SPARCL1: variants seen among roughly 807,000 people sequenced by gnomAD.
The protein encoded by SPARCL1 is SPARC like 1.
A neutral mutation model predicts 67.1 loss-of-function variants in SPARCL1; 52 were observed. That is an observed-to-expected ratio of 0.78 (90% CI 0.62 to 0.98). The LOEUF is 0.98. Among genes scored for constraint, SPARCL1 ranks in the 50% least tolerant of loss-of-function variants. The probability of loss-of-function intolerance (pLI) is 0.00; values close to 1 mark genes in which losing one functional copy is unlikely to be tolerated. For synonymous variants in SPARCL1, 226 were observed against 267.8 expected (o/e 0.84, Z 1.52); for missense variants, 717 against 782.4 (o/e 0.92, Z 1.00).
intron 10 of SPARCL1, among the ~76,000 whole-genome samples, chr4:87,475,394 G>C (rs1723545399): frequency 6.6e-6 from 1 of 152,082 alleles, no homozygotes; most frequent in Non-Finnish European, 1.5e-5. Flanking sequence ...TTCATTTCAG[G>C]AGAAACTTCA....
chr4:87,475,650 A>G (rs1424098082), intron 10 of SPARCL1, among the ~76,000 whole-genome samples: 1 of 152,170 alleles, frequency 6.6e-6, no homozygotes, highest in Non-Finnish European at 1.5e-5. Context: ...CACGTTACTA[A>G]TCATCAGGAA....
chr4:87,481,464 T>C (rs1234491319), intron 8 of SPARCL1, among the ~76,000 whole-genome samples: 1 of 152,214 alleles, frequency 6.6e-6, no homozygotes, highest in African/African-American at 2.4e-5. Context: ...CTATACTTGC[T>C]GCATCCATTC....
In SPARCL1 at chr4:87,494,436, T is replaced by C. The variant is rs774368744; in HGVS notation, c.364A>G (p.Ile122Val). The C allele has an allele frequency of 2.5e-6, 4 of 1,614,076 alleles. No individual in the cohort carries two copies. The highest frequency in any genetic ancestry group is 1.3e-5 in the African/African-American group (1 of 74,930). Reference protein sequence around the residue: ...EYAPTEGTLDIKEDMSEPQEK... With the variant: ...EYAPTEGTLDVKEDMSEPQEK... ...TGAGGCTCACTCATATCTTCTTTTA[T>C]GTCCAATGTACCTTCAGTTGGTGCA... The change falls in exon 4 of 11, where the codon ATA becomes GTA. Residue 122 changes from isoleucine (I) to valine (V), a missense_variant. Coordinates refer to ENST00000282470, the MANE Select transcript of SPARCL1 (RefSeq NM_004684.6).
At chr4:87,503,265 C>G (rs1724921858) in intron 1 of SPARCL1, among the ~76,000 whole-genome samples, 1 of 152,198 alleles carries the variant, frequency 6.6e-6, no homozygotes, top group South Asian at 2.1e-4. Context: ...TTCCAAATCA[C>G]CTGGTGCCTC....
At chr4:87,524,415 G>A (rs4693170) in intron 1 of SPARCL1, among the ~76,000 whole-genome samples, 59,402 of 152,032 alleles carry the variant, frequency 0.39, 13,341 homozygotes, top group East Asian at 0.6. Context: ...AAACATAGAA[G>A]TTGACCCTCC....
chr4:87,476,358 A>G (rs1013909510), intron 10 of SPARCL1, among the ~76,000 whole-genome samples: 5 of 152,128 alleles, frequency 3.3e-5, no homozygotes, highest in Non-Finnish European at 7.4e-5. Context: ...GAATATGTTT[A>G]CTTCTCTCTT....
chr4:87,513,581 C>G (rs1725463056), intron 1 of SPARCL1, among the ~76,000 whole-genome samples: 1 of 152,060 alleles, frequency 6.6e-6, no homozygotes, highest in African/African-American at 2.4e-5. Flanking sequence ...CTCTGAAGTA[C>G]CTTACACATG....
In SPARCL1 at chr4:87,486,888, C is replaced by CTTTTTTTTTTTTTTTTTTTT. The variant is rs57597004; in HGVS notation, c.1531+3365_1531+3384dup. Among the ~76,000 whole-genome samples, 9 of 28,000 alleles carry CTTTTTTTTTTTTTTTTTTTT rather than the reference C, an allele frequency of 3.2e-4. 4 individuals carry two copies. The highest frequency in any genetic ancestry group is 2.9e-3 in the South Asian group (2 of 692). The allele number at this position is 28,000 out of a possible 152,430, so 18.4% of individuals were successfully genotyped here. A position where few individuals can be genotyped will look rare whatever the true frequency, so the allele number is the denominator to read the frequency against. ...TCTGAGGCTAGTATTGCAATTCCTGCTTTTTTTTTTTTTTTTTTTTTTTTT... is the reference window on the plus strand; with the variant it reads ...TCTGAGGCTAGTATTGCAATTCCTGCTTTTTTTTTTTTTTTTTTTTTTTTTTTTTTTTTTTTTTTTTTTTT... On this transcript the variant is annotated intron_variant, in intron 7 of 10. Transcript: ENST00000282470.
At chr4:87,496,187 AT>A (rs1324406824) in intron 2 of SPARCL1, among the ~76,000 whole-genome samples, 2 of 152,190 alleles carry the variant, frequency 1.3e-5, no homozygotes, top group East Asian at 1.9e-4. Context: ...GGTCGTTAAT[AT>A]TTTTTATTAA....
At chr4:87,501,075 A>T (rs1339144555) in intron 1 of SPARCL1, among the ~76,000 whole-genome samples, 1 of 152,218 alleles carries the variant, frequency 6.6e-6, no homozygotes, top group Non-Finnish European at 1.5e-5. Context: ...AACAAAATTT[A>T]AAATTTCCTC....
intron 10 of SPARCL1, among the ~76,000 whole-genome samples, 167 bp downstream of exon 10, chr4:87,479,263 C>T (rs1723705636): frequency 1.3e-5 from 2 of 152,268 alleles, no homozygotes; most frequent in Admixed American, 1.3e-4. Context: ...GAAGTGACTT[C>T]GCAATGACAG....
In SPARCL1 at chr4:87,506,759, TATCTATATCTCTATCTATCTATC is replaced by T. The variant is rs747514164; in HGVS notation, c.-11-7197_-11-7175del. 5.6e-3 allele frequency among the ~76,000 whole-genome samples: 634 copies of T among 113,100 alleles called. 4 individuals carry two copies. The highest frequency in any genetic ancestry group is 8.5e-3 in the Middle Eastern group (2 of 234). 74.2% of individuals were successfully genotyped at this position (113,100 alleles called of 152,430 possible). On this transcript the variant is annotated intron_variant, in intron 1 of 10. Transcript: ENST00000282470. ...CCATTAATGTAAACTAAGTCCTCAT[TATCTATATCTCTATCTATCTATC>T]ATCTATCTATCTATCTATCTATCTA...
At position 87,491,735 on chromosome 4, in the gene SPARCL1, G is replaced by A. The variant is rs368387364; in HGVS notation, c.1219-45C>T. On this transcript the variant is annotated intron_variant, in intron 4 of 10. Coordinates refer to ENST00000282470, the MANE Select transcript of SPARCL1 (RefSeq NM_004684.6). ...AAAGTTAAAATCTACTAAGAGGAGA[G>A]CCATTACTTAATTTATATTTCCACT... 1.6e-3 allele frequency: 2,013 copies of A among 1,292,146 alleles called. 9 individuals are homozygous for A. Among genetic ancestry groups the A allele is most frequent in the Non-Finnish European group, 1.8e-3 (1,590 of 888,994 alleles). 80.0% of individuals were successfully genotyped at this position (1,292,146 alleles called of 1,614,324 possible). A position where few individuals can be genotyped will look rare whatever the true frequency, so the allele number is the denominator to read the frequency against.
intron 10 of SPARCL1, among the ~76,000 whole-genome samples, chr4:87,476,997 T>A (rs115415125): frequency 1.0e-3 from 157 of 152,340 alleles, no homozygotes; most frequent in African/African-American, 3.6e-3. Context: ...GCTTTATTGG[T>A]TTATTATGTG....
chr4:87,513,187 T>G (rs992972535), intron 1 of SPARCL1, among the ~76,000 whole-genome samples: 5 of 152,254 alleles, frequency 3.3e-5, no homozygotes, highest in African/African-American at 1.2e-4. Flanking sequence ...ATTTAGCATT[T>G]CACAGTTTAT....
At chr4:87,498,919 G>T (rs1663455415) in intron 2 of SPARCL1, among the ~76,000 whole-genome samples, 1 of 151,912 alleles carries the variant, frequency 6.6e-6, no homozygotes, top group Non-Finnish European at 1.5e-5. Context: ...TGTTGCCCAG[G>T]CTGGAGTGCA....
rs11397474 is a variant in SPARCL1 at position 87,474,743 on chromosome 4, C to CTTTTTTTTTTT, written c.1967-951_1967-941dup. 1.1e-4 allele frequency among the ~76,000 whole-genome samples: 15 copies of CTTTTTTTTTTT among 130,710 alleles called. 2 individuals are homozygous for CTTTTTTTTTTT. The highest frequency in any genetic ancestry group is 3.6e-4 in the African/African-American group (12 of 33,632). 85.8% of individuals were successfully genotyped at this position (130,710 alleles called of 152,430 possible). ...CATCTGTAAAGATTTCTCTCTCTCT[C>CTTTTTTTTTTT]TTTTTTTTTTTTTTTTTGAGACGGA... On this transcript the variant is annotated intron_variant, in intron 10 of 10. Coordinates refer to ENST00000282470, the MANE Select transcript of SPARCL1 (RefSeq NM_004684.6).
At chr4:87,482,595 G>T (rs200584040) in intron 7 of SPARCL1, 35 bp from the exon 8 acceptor site, 55 of 1,612,142 alleles carry the variant, frequency 3.4e-5, no homozygotes, top group Non-Finnish European at 4.6e-5. Context: ...TAATCTTTGG[G>T]CTTATTTGTG....
chr4:87,494,095 T>C lies in SPARCL1; in HGVS notation c.705A>G (p.Glu235=). The C allele has an allele frequency of 6.2e-7, 1 of 1,613,978 alleles. No individual in the cohort carries two copies. Among genetic ancestry groups the C allele is most frequent in the Non-Finnish European group, 8.5e-7 (1 of 1,180,032 alleles). Residue 235 remains glutamate (E), a synonymous_variant, in exon 4 of 11, where the codon GAA becomes GAG. Transcript: ENST00000282470. ...PREHANSKQE[E]DNTQSDDILE... ...AAATATCATCAGATTGGGTATTGTC[T>C]TCCTCCTGCTTGCTGTTAGCATGCT...
Sources: allele counts gnomAD v4.1 joint callset (sites outside exome capture counted in the v4.1 genomes callset), GRCh38; gene constraint gnomAD v4.1.1; transcripts MANE v1.5; gene names NCBI Gene and HGNC (gene_info 2026-07-23, HGNC 2026-07-21).